RXRG: variants seen among roughly 807,000 people sequenced by gnomAD.
RXRG encodes retinoid X receptor gamma.
Under a neutral mutation model 49.2 loss-of-function variants are expected in RXRG, and 19 were observed. That is an observed-to-expected ratio of 0.39 (90% CI 0.27 to 0.57). The LOEUF is 0.57. Ranked by LOEUF, RXRG falls within the 20% of genes least tolerant of loss-of-function variation. RXRG has a pLI of 0.64. For synonymous variants in RXRG, 224 were observed against 216.6 expected (o/e 1.03, Z -0.30); for missense variants, 452 against 592.5 (o/e 0.76, Z 2.46).
chr1:165,411,347 C>T (rs1204895393), intron 4 of RXRG, among the ~76,000 whole-genome samples: 1 of 152,150 alleles, frequency 6.6e-6, no homozygotes, highest in Non-Finnish European at 1.5e-5. Flanking sequence ...GGTGACGACA[C>T]TAGGAAGTAT....
chr1:165,420,901 G>T (rs1407806995), intron 2 of RXRG, among the ~76,000 whole-genome samples: 1 of 152,248 alleles, frequency 6.6e-6, no homozygotes, highest in African/African-American at 2.4e-5. Context: ...TCAAACGAAG[G>T]TGGTGCAGGA....
At chr1:165,441,425 T>C (rs1359306461) in intron 1 of RXRG, among the ~76,000 whole-genome samples, 1 of 150,182 alleles carries the variant, frequency 6.7e-6, no homozygotes, top group Non-Finnish European at 1.5e-5. Flanking sequence ...CTCAGCAGTG[T>C]GAACTCTGGG....
intron 1 of RXRG, among the ~76,000 whole-genome samples, chr1:165,442,046 G>A (rs575073396): frequency 6.6e-6 from 1 of 152,312 alleles, no homozygotes; most frequent in African/African-American, 2.4e-5. Context: ...TTGCTTCCCT[G>A]GAGATTCTTA....
intron 2 of RXRG, chr1:165,425,087 G>T: frequency 3.6e-6 from 1 of 276,346 alleles, no homozygotes; most frequent in Non-Finnish European, 5.5e-6. Flanking sequence ...GCTTCCATCT[G>T]ACCTTTCAAC....
intron 1 of RXRG, among the ~76,000 whole-genome samples, chr1:165,442,853 T>C (rs1374737755): frequency 6.6e-6 from 1 of 152,198 alleles, no homozygotes; most frequent in Non-Finnish European, 1.5e-5. Context: ...CTAGCTTGCC[T>C]AAGGTCACAC....
chr1:165,424,701 T>A (rs527880219), intron 2 of RXRG: 2 of 829,580 alleles, frequency 2.4e-6, no homozygotes, highest in South Asian at 1.1e-4. Context: ...TGCCTGCTGC[T>A]CCCACCCCTA....
intron 2 of RXRG, among the ~76,000 whole-genome samples, chr1:165,427,935 C>G (rs1658544287): frequency 6.6e-6 from 1 of 152,246 alleles, no homozygotes; most frequent in Admixed American, 6.5e-5. Flanking sequence ...CACCCACCAT[C>G]TGAAGCAGAG....
chr1:165,410,796 A>G lies in RXRG; in HGVS notation c.819T>C (p.Ala273=), dbSNP rs1657918134. The change falls in exon 6 of 10, where the codon GCT becomes GCC. Residue 273 remains alanine (A), a synonymous_variant. Transcript: ENST00000359842. The part of the protein sequence containing the change: ...NDPVTNICHA[A]DKQLFTLVEW... ...CAACGAGGGTGAAAAGCTGCTTGTCAGCAGCATGACATATGTTGGTAACAG... is the reference window on the plus strand; with the variant it reads ...CAACGAGGGTGAAAAGCTGCTTGTCGGCAGCATGACATATGTTGGTAACAG... 2.5e-6 allele frequency: 4 copies of G among 1,614,102 alleles called. No homozygotes were observed. In the East Asian group the frequency reaches 8.9e-5, roughly 36 times the overall value.
chr1:165,406,921 A>G lies in RXRG; in HGVS notation c.1139-4T>C, dbSNP rs767566389. ...GGGTTGGACAGGCCCTTGGCATCTA[A>G]AAGACATGACTGAGTTAGCCTTTGA... is the stretch of plus-strand genomic sequence containing the variant. On this transcript the variant is annotated splice_region_variant and splice_polypyrimidine_tract_variant and intron_variant, in intron 8 of 9. Coordinates refer to ENST00000359842, the MANE Select transcript of RXRG (RefSeq NM_006917.5). 2 of 1,607,514 alleles carry G rather than the reference A, an allele frequency of 1.2e-6. No homozygotes were observed. The highest frequency in any genetic ancestry group is 1.7e-6 in the Non-Finnish European group (2 of 1,174,480).
chr1:165,431,291 T>C (rs1571284659), intron 1 of RXRG, among the ~76,000 whole-genome samples: 2 of 152,184 alleles, frequency 1.3e-5, no homozygotes, highest in South Asian at 4.1e-4. Flanking sequence ...AAAGTTCATC[T>C]GAAGGAGAGA....
chr1:165,423,498 AGGTTAG>A (rs1430910819), intron 2 of RXRG, among the ~76,000 whole-genome samples: 1 of 152,116 alleles, frequency 6.6e-6, no homozygotes, highest in East Asian at 1.9e-4. Context: ...CTTCCACCAA[AGGTTAG>A]GCTGCAGGCA....
chr1:165,406,590 C>T (rs973672114), intron 9 of RXRG, among the ~76,000 whole-genome samples: 10 of 152,314 alleles, frequency 6.6e-5, no homozygotes, highest in Middle Eastern at 3.4e-3. Flanking sequence ...TACTATGTGT[C>T]GGGCACTATT....
chr1:165,440,557 C>G (rs1351039377), intron 1 of RXRG, among the ~76,000 whole-genome samples: 1 of 152,202 alleles, frequency 6.6e-6, no homozygotes, highest in Non-Finnish European at 1.5e-5. Flanking sequence ...TGAAGCATTT[C>G]AGATTTTAGA....
At chr1:165,429,164 G>C (rs948488095) in intron 1 of RXRG, among the ~76,000 whole-genome samples, 198 bp from the exon 2 acceptor site, 3 of 152,162 alleles carry the variant, frequency 2.0e-5, no homozygotes, top group African/African-American at 7.2e-5. Context: ...AGGGGAGAGG[G>C]CCTGCTCTAG....
intron 1 of RXRG, among the ~76,000 whole-genome samples, chr1:165,439,675 T>C (rs1269962128): frequency 1.3e-5 from 2 of 152,252 alleles, no homozygotes; most frequent in Non-Finnish European, 2.9e-5. Context: ...AGGGCTTCCA[T>C]AGCAGAGAAG....
intron 1 of RXRG, among the ~76,000 whole-genome samples, chr1:165,434,271 CATGTGTGTATGTGTGTGTGT>C (rs1481124883): frequency 3.3e-5 from 4 of 120,716 alleles, no homozygotes; most frequent in Non-Finnish European, 6.7e-5. Context: ...CAATGAATTG[CATGTGTGTATGTGTGTGTGT>C]GTGTGTGTGT....
At chr1:165,432,640 A>G (rs1291780016) in intron 1 of RXRG, among the ~76,000 whole-genome samples, 1 of 152,168 alleles carries the variant, frequency 6.6e-6, no homozygotes, top group Non-Finnish European at 1.5e-5. Context: ...AGGCACCACA[A>G]GTTTTCCAGA....
intron 4 of RXRG, among the ~76,000 whole-genome samples, chr1:165,413,239 T>C (rs2101714118): frequency 6.6e-6 from 1 of 152,268 alleles, no homozygotes; most frequent in African/African-American, 2.4e-5. Flanking sequence ...TCAGGGTACA[T>C]CCAGGGAACC....
intron 3 of RXRG, among the ~76,000 whole-genome samples, chr1:165,419,389 C>T (rs1261887765): frequency 6.6e-6 from 1 of 151,374 alleles, no homozygotes; most frequent in Non-Finnish European, 1.5e-5. Flanking sequence ...AGGGGTTATT[C>T]TTAATACTTT....
Sources: allele counts gnomAD v4.1 joint callset (sites outside exome capture counted in the v4.1 genomes callset), GRCh38; gene constraint gnomAD v4.1.1; transcripts MANE v1.5; gene names NCBI Gene and HGNC (gene_info 2026-07-23, HGNC 2026-07-21).